HTR4: variants seen among roughly 807,000 people sequenced by gnomAD.
HTR4 encodes 5-hydroxytryptamine receptor 4, also known as 5-hydroxytryptamine (serotonin) receptor 4, G protein-coupled.
A neutral mutation model predicts 36.8 loss-of-function variants in HTR4; 16 were observed. The observed-to-expected ratio is 0.43, with a 90% CI of 0.29 to 0.66. The LOEUF (loss-of-function observed/expected upper bound fraction) is 0.66, where lower values mean the gene tolerates loss of function less well. Ranked by LOEUF, HTR4 falls within the 30% of genes least tolerant of loss-of-function variation. The pLI is 0.13. For synonymous variants in HTR4, 189 were observed against 185.1 expected (o/e 1.02, Z -0.17); for missense variants, 438 against 490.9 (o/e 0.89, Z 1.02).
rs187652644 is a variant in HTR4 at position 148,625,327 on chromosome 5, T to C, written c.26+11662A>G. 1.4e-4 allele frequency among the ~76,000 whole-genome samples: 21 copies of C among 152,312 alleles called. No homozygotes were observed. The East Asian group carries it at 3.7e-3, about 27-fold the overall frequency. On this transcript the variant is annotated intron_variant, in intron 2 of 6. Transcript: ENST00000377888. ...TAAAACACTGCTAAAATTAAGCTGG[T>C]ATAAAAAGGGTACTAGTTATTATTT... is the stretch of plus-strand genomic sequence containing the variant.
intron 5 of HTR4, chr5:148,520,923 G>T (rs148952645): frequency 2.9e-6 from 4 of 1,367,628 alleles, no homozygotes; most frequent in Non-Finnish European, 3.9e-6. Context: ...CTGACATACC[G>T]CATGAAAATC....
intron 2 of HTR4, among the ~76,000 whole-genome samples, chr5:148,606,934 C>T (rs948012250): frequency 6.6e-5 from 10 of 152,192 alleles, no homozygotes; most frequent in African/African-American, 1.9e-4. Context: ...ACTATAGGTA[C>T]AAGGTTTAAT....
chr5:148,483,399 T>A, intron 6 of HTR4, 106 bp from the exon 7 acceptor site: 1 of 980,144 alleles, frequency 1.0e-6, no homozygotes, highest in Admixed American at 2.1e-5. Flanking sequence ...GCCATGCAGA[T>A]GAGTAGCTAT....
intron 6 of HTR4, among the ~76,000 whole-genome samples, chr5:148,485,856 A>C (rs1011485129): frequency 6.6e-6 from 1 of 152,208 alleles, no homozygotes; most frequent in African/African-American, 2.4e-5. Context: ...GCTCCAGAGC[A>C]ATTGGAGAGA....
At chr5:148,624,853 AG>A (rs1302332725) in intron 2 of HTR4, among the ~76,000 whole-genome samples, 1 of 152,210 alleles carries the variant, frequency 6.6e-6, no homozygotes, top group African/African-American at 2.4e-5. Context: ...AATAAAATAA[AG>A]GCTTTATCAA....
chr5:148,567,216 T>A (rs938682993), intron 2 of HTR4, among the ~76,000 whole-genome samples: 2 of 152,184 alleles, frequency 1.3e-5, no homozygotes, highest in African/African-American at 4.8e-5. Context: ...TAATTTTTTT[T>A]AAACAAAGTT....
At chr5:148,618,459 G>C (rs1196369009) in intron 2 of HTR4, among the ~76,000 whole-genome samples, 1 of 152,162 alleles carries the variant, frequency 6.6e-6, no homozygotes, top group African/African-American at 2.4e-5. Flanking sequence ...TTACTCAACA[G>C]GATGCATTAG....
At chr5:148,457,904 T>TG (rs1165422690) in intron 5 of HTR4, among the ~76,000 whole-genome samples, 3 of 133,340 alleles carry the variant, frequency 2.2e-5, no homozygotes, top group Non-Finnish European at 4.8e-5. Context: ...TATATTTTAA[T>TG]ATATATTTAA....
intron 1 of HTR4, among the ~76,000 whole-genome samples, chr5:148,638,853 G>C (rs1188413777): frequency 6.6e-6 from 1 of 152,012 alleles, no homozygotes; most frequent in Admixed American, 6.6e-5. Context: ...CCAGGAGTTT[G>C]AGACCAGCCT....
intron 2 of HTR4, among the ~76,000 whole-genome samples, chr5:148,557,056 C>A (rs1759979443): frequency 6.6e-6 from 1 of 152,176 alleles, no homozygotes; most frequent in Non-Finnish European, 1.5e-5. Flanking sequence ...CTGAGATGAG[C>A]TCAGACAAGT....
intron 2 of HTR4, among the ~76,000 whole-genome samples, chr5:148,617,338 G>A (rs1218158267): frequency 6.6e-6 from 1 of 152,182 alleles, no homozygotes; most frequent in Admixed American, 6.5e-5. Flanking sequence ...TGCTTGTACA[G>A]ACTACCCAAC....
chr5:148,547,347 G>A (rs182228482), intron 4 of HTR4, among the ~76,000 whole-genome samples: 56 of 151,776 alleles, frequency 3.7e-4, no homozygotes, highest in Admixed American at 1.4e-3. Context: ...GTGAAACCCC[G>A]TCTCTACTAA....
At chr5:148,505,369 A>T (rs981729010) in intron 6 of HTR4, among the ~76,000 whole-genome samples, 2 of 152,224 alleles carry the variant, frequency 1.3e-5, no homozygotes, top group African/African-American at 2.4e-5. Flanking sequence ...GATGGGACAT[A>T]TATCAAAATA....
At chr5:148,505,533 C>G (rs1757151930) in intron 6 of HTR4, among the ~76,000 whole-genome samples, 1 of 152,052 alleles carries the variant, frequency 6.6e-6, no homozygotes, top group South Asian at 2.1e-4. Context: ...GGCAATCAGG[C>G]AGGAGAAAGA....
chr5:148,523,378 A>C lies in HTR4; in HGVS notation c.354-32T>G, dbSNP rs745449224. ...AGAGAATAGAGGGCAGAGCATAGGC[A>C]TGGGCAAGGAGGAATGGGAGGGAGA... is the stretch of plus-strand genomic sequence containing the variant. On this transcript the variant is annotated intron_variant, in intron 4 of 6. Transcript: ENST00000377888. 2.6e-6 allele frequency: 4 copies of C among 1,556,660 alleles called. No homozygotes were observed. In the African/African-American group the frequency reaches 5.5e-5, roughly 22 times the overall value.
intron 2 of HTR4, among the ~76,000 whole-genome samples, chr5:148,559,641 G>A (rs1760102023): frequency 6.6e-6 from 1 of 152,074 alleles, no homozygotes; most frequent in Non-Finnish European, 1.5e-5. Flanking sequence ...AAACTCCGAT[G>A]GACAATCTCT....
At chr5:148,544,501 T>C (rs566812842) in intron 4 of HTR4, among the ~76,000 whole-genome samples, 12 of 152,276 alleles carry the variant, frequency 7.9e-5, no homozygotes, top group African/African-American at 2.6e-4. Flanking sequence ...TTCTCATGGT[T>C]TTCAATGGCT....
intron 2 of HTR4, among the ~76,000 whole-genome samples, chr5:148,601,411 A>G (rs1336333724): frequency 6.6e-6 from 1 of 152,210 alleles, no homozygotes; most frequent in Non-Finnish European, 1.5e-5. Flanking sequence ...AGCATTTTTC[A>G]TAATAGCCAA....
chr5:148,510,085 AAAG>A, intron 5 of HTR4, 61 bp from the exon 6 acceptor site: 1 of 1,124,448 alleles, frequency 8.9e-7, no homozygotes, highest in Non-Finnish European at 1.3e-6. Flanking sequence ...AAAAAGTGAA[AAAG>A]AAGTGGGAAA....
Sources: gnomAD v4.1 joint callset for allele counts (sites outside exome capture counted in the v4.1 genomes callset) on GRCh38, gnomAD v4.1.1 for gene constraint, MANE v1.5 for transcripts, NCBI Gene and HGNC (gene_info 2026-07-23, HGNC 2026-07-21) for gene names.